The following RCOR1 variants were observed in gnomAD, a reference collection of about 807,000 sequenced individuals.
The protein encoded by RCOR1 is REST corepressor 1.
Under a neutral mutation model 64.0 loss-of-function variants are expected in RCOR1, and 12 were observed. That is an observed-to-expected ratio of 0.19 (90% confidence interval 0.12 to 0.30). RCOR1 has a LOEUF of 0.30. RCOR1 is among the 10% of genes least tolerant of loss of function. The probability of loss-of-function intolerance (pLI) is 1.00; values close to 1 mark genes in which losing one functional copy is unlikely to be tolerated. For missense variants in RCOR1, 502 were observed against 621.2 expected (o/e 0.81, Z 2.04); for synonymous variants, 279 against 227.2 (o/e 1.23, Z -2.05).
At chr14:102,680,087 G>GT (rs1164929734) in intron 2 of RCOR1, among the ~76,000 whole-genome samples, 1 of 151,762 alleles carries the variant, frequency 6.6e-6, no homozygotes, top group Non-Finnish European at 1.5e-5. Flanking sequence ...TCTCAGCAGT[G>GT]TTTTGTAGTT....
At chr14:102,662,733 T>C in intron 2 of RCOR1, 1 of 411,408 alleles carries the variant, frequency 2.4e-6, no homozygotes, top group Non-Finnish European at 4.6e-6. Context: ...TCTGCAGCTT[T>C]TAATGTGTAC....
chr14:102,603,310 T>A (rs1893440950), intron 2 of RCOR1, among the ~76,000 whole-genome samples: 1 of 151,884 alleles, frequency 6.6e-6, no homozygotes, highest in Non-Finnish European at 1.5e-5. Flanking sequence ...AGTGTCTTTT[T>A]ATTTATTTTT....
chr14:102,612,082 C>T (rs539391215), intron 2 of RCOR1, among the ~76,000 whole-genome samples: 1 of 152,070 alleles, frequency 6.6e-6, no homozygotes, highest in African/African-American at 2.4e-5. Flanking sequence ...GCTGGGATTA[C>T]AGGATTTTGC....
At chr14:102,669,289 A>G (rs1337452707) in intron 2 of RCOR1, among the ~76,000 whole-genome samples, 1 of 150,592 alleles carries the variant, frequency 6.6e-6, no homozygotes. Flanking sequence ...AGCCTAGGCA[A>G]CAAGAGTGAA....
At chr14:102,662,041 G>A (rs528606813) in intron 2 of RCOR1, among the ~76,000 whole-genome samples, 4 of 152,264 alleles carry the variant, frequency 2.6e-5, no homozygotes, top group East Asian at 3.9e-4. Context: ...GATTATAGGC[G>A]TGAGCACTGT....
At chr14:102,697,000 G>C (rs1302729353) in intron 3 of RCOR1, among the ~76,000 whole-genome samples, 2 of 152,050 alleles carry the variant, frequency 1.3e-5, no homozygotes, top group Non-Finnish European at 2.9e-5. Flanking sequence ...TAGGTGGTGG[G>C]AAGGGAATAG....
At chr14:102,721,763 AC>A (rs1896174464) in intron 10 of RCOR1, among the ~76,000 whole-genome samples, 1 of 151,998 alleles carries the variant, frequency 6.6e-6, no homozygotes, top group Admixed American at 6.6e-5. Flanking sequence ...TTAACCGGGA[AC>A]CCTGAGTCTT....
intron 2 of RCOR1, among the ~76,000 whole-genome samples, chr14:102,598,030 C>T (rs1450165808): frequency 6.6e-6 from 1 of 152,176 alleles, no homozygotes; most frequent in Non-Finnish European, 1.5e-5. Context: ...CCATGTTGGT[C>T]AGGCTGGTCG....
intron 7 of RCOR1, among the ~76,000 whole-genome samples, chr14:102,711,759 A>C (rs937994784): frequency 6.6e-6 from 1 of 152,214 alleles, no homozygotes; most frequent in Admixed American, 6.5e-5. Flanking sequence ...AAACTTTAAA[A>C]TGACATCAGT....
rs1476652045 is a variant in RCOR1 at position 102,676,352 on chromosome 14, C to G, written c.362-5543C>G. On this transcript the variant is annotated intron_variant, in intron 2 of 11. Transcript: ENST00000262241. ...GCCGGGCGGGGGGCTGACCCCCCCA[C>G]CACCCTCCCGGACGGGGCGGCTGGC... Among the ~76,000 whole-genome samples, 43 of 137,794 alleles carry G rather than the reference C, an allele frequency of 3.1e-4. No individual in the cohort carries two copies. In the East Asian group the frequency reaches 9.2e-3, roughly 30 times the overall value. The allele number at this position is 137,794 out of a possible 152,430, so 90.4% of individuals were successfully genotyped here. A position where few individuals can be genotyped will look rare whatever the true frequency, so the allele number is the denominator to read the frequency against.
chr14:102,652,422 AAC>A (rs1038832429), intron 2 of RCOR1, among the ~76,000 whole-genome samples: 2 of 152,164 alleles, frequency 1.3e-5, no homozygotes, highest in East Asian at 1.9e-4. Context: ...GTGAATTACA[AAC>A]ACTCTCTCCT....
chr14:102,655,103 G>A (rs1337197393), intron 2 of RCOR1: 3 of 355,656 alleles, frequency 8.4e-6, no homozygotes, highest in Non-Finnish European at 1.1e-5. Context: ...TCACCACCGC[G>A]GACAACCTTT....
chr14:102,592,654 C>G lies in RCOR1; in HGVS notation c.-233C>G, dbSNP rs916141810. The G allele has an allele frequency of 2.4e-6, 3 of 1,228,374 alleles. No individual in the cohort carries two copies. The highest frequency in any genetic ancestry group is 3.1e-4 in the Middle Eastern group (1 of 3,210). 76.1% of individuals were successfully genotyped at this position (1,228,374 alleles called of 1,614,324 possible). Reference sequence around the variant, plus strand: ...TCGCTGCTCCCGGAGTAGTTGGTGCCAGTGAAGTGAGGGCGGCGATGAGAG... The same window carrying G: ...TCGCTGCTCCCGGAGTAGTTGGTGCGAGTGAAGTGAGGGCGGCGATGAGAG... On this transcript the variant is annotated 5_prime_UTR_variant, in exon 1 of 12. Transcript: ENST00000262241.
intron 4 of RCOR1, among the ~76,000 whole-genome samples, chr14:102,706,316 G>T (rs546444031): frequency 6.6e-6 from 1 of 152,014 alleles, no homozygotes; most frequent in Admixed American, 6.5e-5. Context: ...CAGGATCCCA[G>T]TATATACAAG....
At chr14:102,611,076 T>A (rs949936698) in intron 2 of RCOR1, among the ~76,000 whole-genome samples, 4 of 152,210 alleles carry the variant, frequency 2.6e-5, no homozygotes, top group South Asian at 2.1e-4. Flanking sequence ...TTTTTGTTTG[T>A]TTGTTTTTTT....
intron 2 of RCOR1, among the ~76,000 whole-genome samples, chr14:102,638,176 C>A (rs952849829): frequency 6.6e-6 from 1 of 152,082 alleles, no homozygotes; most frequent in African/African-American, 2.4e-5. Context: ...ATAAAATAGT[C>A]CAAGGACATT....
intron 2 of RCOR1, among the ~76,000 whole-genome samples, chr14:102,628,457 T>TTCTC (rs763203451): frequency 6.6e-6 from 1 of 151,266 alleles, no homozygotes; most frequent in African/African-American, 2.4e-5. Context: ...TCCCCCGCTT[T>TTCTC]TCTCTCTCTC....
chr14:102,726,330 C>CA (rs768839492), intron 11 of RCOR1, 138 bp from the exon 12 acceptor site: 29,710 of 613,872 alleles, frequency 0.048, 14 homozygotes, highest in Middle Eastern at 0.073. Flanking sequence ...GTCTCCCCTC[C>CA]AAAAAAAAAA....
chr14:102,592,723 C>T lies in RCOR1; in HGVS notation c.-164C>T. ...CGTCGCTGGGGGCTTGAAGCGGCTC[C>T]GCGCTCTGCCCGTTTGGGCCTCCCC... On this transcript the variant is annotated 5_prime_UTR_variant, in exon 1 of 12. Coordinates refer to ENST00000262241, the MANE Select transcript of RCOR1 (RefSeq NM_015156.4). The T allele has an allele frequency of 4.1e-6, 5 of 1,225,316 alleles. No homozygotes were observed. Among genetic ancestry groups the T allele is most frequent in the Non-Finnish European group, 5.1e-6 (5 of 983,892 alleles). The allele number at this position is 1,225,316 out of a possible 1,614,324, so 75.9% of individuals were successfully genotyped here. A position where few individuals can be genotyped will look rare whatever the true frequency, so the allele number is the denominator to read the frequency against.
Sources: gnomAD v4.1 joint callset for allele counts (sites outside exome capture counted in the v4.1 genomes callset) on GRCh38, gnomAD v4.1.1 for gene constraint, MANE v1.5 for transcripts, NCBI Gene and HGNC (gene_info 2026-07-23, HGNC 2026-07-21) for gene names.